ZDHHC14: variants seen among roughly 807,000 people sequenced by gnomAD.
ZDHHC14 encodes the protein zDHHC palmitoyltransferase 14.
Under a neutral mutation model 47.7 loss-of-function variants are expected in ZDHHC14, and 16 were observed. The observed-to-expected ratio is 0.34, with a 90% CI of 0.23 to 0.51. The LOEUF (loss-of-function observed/expected upper bound fraction) is 0.51, where lower values mean the gene tolerates loss of function less well. Among genes scored for constraint, ZDHHC14 ranks in the 20% least tolerant of loss-of-function variants. ZDHHC14 has a pLI of 0.97. For missense variants in ZDHHC14, 515 were observed against 662.5 expected, an observed-to-expected ratio of 0.78 and a Z score of 2.44; for synonymous variants, 293 against 278.9, an observed-to-expected ratio of 1.05 and a Z score of -0.50.
intron 1 of ZDHHC14, among the ~76,000 whole-genome samples, chr6:157,491,887 T>G (rs867367831): frequency 6.6e-6 from 1 of 152,382 alleles, no homozygotes. Flanking sequence ...TAAGGATTAA[T>G]TCTTTTGATT....
At chr6:157,517,171 T>C (rs62424967) in intron 1 of ZDHHC14, among the ~76,000 whole-genome samples, 98,289 of 151,870 alleles carry the variant, frequency 0.65, 32,256 homozygotes, top group African/African-American at 0.76. Flanking sequence ...CTTCACTGAC[T>C]CCCCCTCCTC....
intron 1 of ZDHHC14, among the ~76,000 whole-genome samples, chr6:157,421,492 C>CAAAAAAAAA (rs147380621): frequency 3.5e-5 from 2 of 56,706 alleles, no homozygotes; most frequent in African/African-American, 7.4e-5. Flanking sequence ...GACTCCGTCT[C>CAAAAAAAAA]AAAAAAAAAA....
intron 3 of ZDHHC14, among the ~76,000 whole-genome samples, chr6:157,613,453 T>C (rs751186265): frequency 7.2e-5 from 11 of 152,150 alleles, no homozygotes; most frequent in Non-Finnish European, 1.2e-4. Context: ...AAAGCGTAAT[T>C]AGAGTAGCTC....
intron 1 of ZDHHC14, among the ~76,000 whole-genome samples, chr6:157,475,091 A>G (rs1378849683): frequency 1.3e-5 from 2 of 152,146 alleles, no homozygotes; most frequent in Non-Finnish European, 2.9e-5. Flanking sequence ...AATTTCATTC[A>G]TGTGTATGTA....
At chr6:157,493,888 C>A (rs1238659517) in intron 1 of ZDHHC14, among the ~76,000 whole-genome samples, 2 of 152,220 alleles carry the variant, frequency 1.3e-5, no homozygotes, top group African/African-American at 4.8e-5. Flanking sequence ...GCTCCCATGG[C>A]ACCTCTTATT....
At chr6:157,526,741 G>T (rs528045526) in intron 1 of ZDHHC14, among the ~76,000 whole-genome samples, 1 of 152,206 alleles carries the variant, frequency 6.6e-6, no homozygotes, top group Non-Finnish European at 1.5e-5. Flanking sequence ...CTACTTCAGC[G>T]ACTGTGGGAA....
chr6:157,451,152 C>T (rs943296664), intron 1 of ZDHHC14, among the ~76,000 whole-genome samples: 1 of 152,042 alleles, frequency 6.6e-6, no homozygotes, highest in Non-Finnish European at 1.5e-5. Flanking sequence ...ACCAATTAAC[C>T]TTTGCTGTGA....
intron 1 of ZDHHC14, among the ~76,000 whole-genome samples, chr6:157,484,267 ATGTATATATACG>A (rs1779703288): frequency 7.1e-6 from 1 of 141,820 alleles, no homozygotes; most frequent in Admixed American, 7.4e-5. Context: ...TTATATATAT[ATGTATATATACG>A]TATATATATA....
chr6:157,523,499 C>A (rs112241242), intron 1 of ZDHHC14, among the ~76,000 whole-genome samples: 1 of 152,118 alleles, frequency 6.6e-6, no homozygotes, highest in Non-Finnish European at 1.5e-5. Context: ...CACAGACTTG[C>A]GGATTTCTTC....
At chr6:157,539,525 A>G (rs1324358576) in intron 1 of ZDHHC14, among the ~76,000 whole-genome samples, 1 of 152,210 alleles carries the variant, frequency 6.6e-6, no homozygotes, top group African/African-American at 2.4e-5. Context: ...CGTGGAAGGA[A>G]GTCCCTGAGT....
intron 2 of ZDHHC14, among the ~76,000 whole-genome samples, chr6:157,565,816 A>G (rs1431026482): frequency 6.6e-6 from 1 of 151,998 alleles, no homozygotes; most frequent in African/African-American, 2.4e-5. Context: ...AAAAAAAAAA[A>G]AAAGGTTGGG....
intron 3 of ZDHHC14, among the ~76,000 whole-genome samples, chr6:157,606,829 A>C (rs1784558198): frequency 1.3e-5 from 2 of 152,260 alleles, no homozygotes; most frequent in Non-Finnish European, 2.9e-5. Flanking sequence ...AGAGGAAAAC[A>C]GTTACATTTT....
At chr6:157,436,819 T>C (rs957050940) in intron 1 of ZDHHC14, among the ~76,000 whole-genome samples, 5 of 152,044 alleles carry the variant, frequency 3.3e-5, no homozygotes, top group African/African-American at 1.2e-4. Flanking sequence ...GCCTGTGGAA[T>C]TTCCAGATGT....
intron 7 of ZDHHC14, among the ~76,000 whole-genome samples, chr6:157,651,147 A>G (rs1452954538): frequency 6.6e-6 from 1 of 152,236 alleles, no homozygotes; most frequent in Non-Finnish European, 1.5e-5. Context: ...GGAGGGTTAA[A>G]ACAACAGAAA....
chr6:157,650,512 C>T (rs959886937), intron 7 of ZDHHC14, among the ~76,000 whole-genome samples: 1 of 152,010 alleles, frequency 6.6e-6, no homozygotes, highest in Non-Finnish European at 1.5e-5. Context: ...ACAGGCTGGA[C>T]GCGATGGGAT....
At chr6:157,394,644 C>A (rs1021649573) in intron 1 of ZDHHC14, among the ~76,000 whole-genome samples, 5 of 152,226 alleles carry the variant, frequency 3.3e-5, no homozygotes, top group Admixed American at 6.5e-5. Flanking sequence ...CTTTTTTGAG[C>A]CATCCCAGTG....
At chr6:157,474,999 C>T (rs1458520461) in intron 1 of ZDHHC14, among the ~76,000 whole-genome samples, 1 of 152,124 alleles carries the variant, frequency 6.6e-6, no homozygotes, top group Non-Finnish European at 1.5e-5. Context: ...GGAGCTTTTA[C>T]CCTTGTTTTC....
At chr6:157,492,200 G>GCCCCC (rs200680158) in intron 1 of ZDHHC14, among the ~76,000 whole-genome samples, 1 of 81,138 alleles carries the variant, frequency 1.2e-5, no homozygotes, top group African/African-American at 5.2e-5. Context: ...TCCCCCCTCC[G>GCCCCC]CCCCCGCCCC....
chr6:157,539,394 G>A (rs1309404431), intron 1 of ZDHHC14, among the ~76,000 whole-genome samples: 1 of 151,952 alleles, frequency 6.6e-6, no homozygotes, highest in East Asian at 1.9e-4. Context: ...GCAGAGTGAG[G>A]CCCTGTCTCC....
Sources: gnomAD v4.1 joint callset for allele counts (sites outside exome capture counted in the v4.1 genomes callset) on GRCh38, gnomAD v4.1.1 for gene constraint, MANE v1.5 for transcripts, NCBI Gene and HGNC (gene_info 2026-07-23, HGNC 2026-07-21) for gene names.